MAST4: variants seen among roughly 807,000 people sequenced by gnomAD.
The protein encoded by MAST4 is microtubule-associated serine/threonine-protein kinase 4.
A neutral mutation model predicts 162.7 loss-of-function variants in MAST4; 89 were observed. The ratio of observed to expected loss-of-function variants is 0.55; its 90% CI spans 0.46 to 0.65. The LOEUF is 0.65. Ranked by LOEUF, MAST4 falls within the 30% of genes least tolerant of loss-of-function variation. The pLI is 0.00. For synonymous variants in MAST4, 1,479 were observed against 1,361.1 expected (o/e 1.09, Z -1.91); for missense variants, 3,153 against 3,374.0 (o/e 0.93, Z 1.62).
rs2149600821 is a variant in MAST4 at position 66,754,279 on chromosome 5, C to T, written c.364-5430C>T. ...ACAAATATATATGCTAGCAGGGATA[C>T]AGTTAAAAAGTTCAATGGTTATTTA... is the stretch of plus-strand genomic sequence containing the variant. On this transcript the variant is annotated intron_variant, in intron 1 of 28. Transcript: ENST00000403625. Among the ~76,000 whole-genome samples the T allele has an allele frequency of 2.0e-5, 3 of 152,224 alleles. No homozygotes were observed. The Middle Eastern group carries it at 0.01, about 518-fold the overall frequency.
chr5:66,963,309 G>A (rs1746250977), intron 4 of MAST4, among the ~76,000 whole-genome samples: 1 of 152,304 alleles, frequency 6.6e-6, no homozygotes, highest in South Asian at 2.1e-4. Context: ...GGAAATGTTA[G>A]TTGCTTTGCT....
chr5:66,889,658 C>G (rs1484588245), intron 3 of MAST4, among the ~76,000 whole-genome samples: 1 of 152,164 alleles, frequency 6.6e-6, no homozygotes, highest in East Asian at 1.9e-4. Flanking sequence ...TCGGTGCTGT[C>G]TCTTTACCGT....
chr5:66,850,600 A>G (rs1400489555), intron 3 of MAST4, among the ~76,000 whole-genome samples: 1 of 152,204 alleles, frequency 6.6e-6, no homozygotes, highest in Non-Finnish European at 1.5e-5. Flanking sequence ...GCCTGGTTTC[A>G]TGTACAAAAT....
intron 1 of MAST4, among the ~76,000 whole-genome samples, chr5:66,749,375 G>A (rs899637413): frequency 6.6e-6 from 1 of 152,156 alleles, no homozygotes; most frequent in East Asian, 1.9e-4. Flanking sequence ...GATGCCCGTA[G>A]CATAGGCGAT....
chr5:66,742,234 T>A (rs1031606236), intron 1 of MAST4, among the ~76,000 whole-genome samples: 1 of 152,184 alleles, frequency 6.6e-6, no homozygotes, highest in Non-Finnish European at 1.5e-5. Context: ...TCGCGGTTCA[T>A]CTGCCCGAGT....
intron 1 of MAST4, among the ~76,000 whole-genome samples, chr5:66,733,766 GTT>G (rs11297769): frequency 4.0e-5 from 6 of 151,254 alleles, no homozygotes; most frequent in African/African-American, 9.7e-5. Flanking sequence ...GCCAACTTGT[GTT>G]TTTTTTTTAA....
intron 14 of MAST4, among the ~76,000 whole-genome samples, chr5:67,124,959 A>G (rs1255595589): frequency 6.6e-6 from 1 of 152,150 alleles, no homozygotes. Flanking sequence ...CCTATTCTCA[A>G]ACATATTGCA....
intron 1 of MAST4, among the ~76,000 whole-genome samples, chr5:66,618,572 A>C (rs529400510): frequency 6.6e-6 from 1 of 152,324 alleles, no homozygotes; most frequent in East Asian, 1.9e-4. Context: ...ATGAACATTA[A>C]TGTCTCATTA....
intron 3 of MAST4, among the ~76,000 whole-genome samples, chr5:66,803,445 A>T (rs1756020447): frequency 6.6e-6 from 1 of 152,142 alleles, no homozygotes; most frequent in South Asian, 2.1e-4. Context: ...AATTACATTA[A>T]ATGTGTAGAT....
intron 3 of MAST4, among the ~76,000 whole-genome samples, chr5:66,879,343 T>TAC (rs1166495836): frequency 5.3e-5 from 2 of 37,388 alleles, no homozygotes; most frequent in Non-Finnish European, 1.7e-4. Context: ...GTTTAAAATA[T>TAC]ATACACACAC....
chr5:66,750,519 CAAAG>C (rs1432691699), intron 1 of MAST4, among the ~76,000 whole-genome samples: 1 of 152,194 alleles, frequency 6.6e-6, no homozygotes, highest in Non-Finnish European at 1.5e-5. Context: ...CTTTCTGAGT[CAAAG>C]AAAGGGGTGA....
At chr5:66,707,385 T>A (rs1481990044) in intron 1 of MAST4, among the ~76,000 whole-genome samples, 1 of 152,186 alleles carries the variant, frequency 6.6e-6, no homozygotes, top group Non-Finnish European at 1.5e-5. Context: ...AGAGGTCACT[T>A]GGTGGGTATA....
At position 66,713,674 on chromosome 5, in the gene MAST4, G is replaced by A. The variant is rs141841933; in HGVS notation, c.364-46035G>A. On this transcript the variant is annotated intron_variant, in intron 1 of 28. Coordinates refer to ENST00000403625, the MANE Select transcript of MAST4 (RefSeq NM_001164664.2). ...GTACATTACTTATTGCAAACGTTTC[G>A]TAATATGCCCTCTTGTGGGGTATAT... 1.4e-3 allele frequency among the ~76,000 whole-genome samples: 214 copies of A among 152,072 alleles called. 3 individuals carry two copies. Among genetic ancestry groups the A allele is most frequent in the African/African-American group, 4.4e-3 (184 of 41,456 alleles).
chr5:66,961,998 T>C (rs1015094857), intron 4 of MAST4, among the ~76,000 whole-genome samples: 1 of 152,258 alleles, frequency 6.6e-6, no homozygotes, highest in Non-Finnish European at 1.5e-5. Context: ...ATTTTTTAAT[T>C]AGAGCATTTG....
intron 4 of MAST4, among the ~76,000 whole-genome samples, chr5:66,943,746 G>GA (rs113051258): frequency 1.3e-5 from 2 of 151,810 alleles, no homozygotes; most frequent in African/African-American, 2.4e-5. Context: ...TGTGTTCAGC[G>GA]AAAAAAAGTG....
chr5:66,789,883 A>G, intron 3 of MAST4: 1 of 433,154 alleles, frequency 2.3e-6, no homozygotes, highest in South Asian at 1.7e-5. Context: ...GATTTTTCCA[A>G]CTTCAGCACT....
chr5:67,154,596 T>A (rs1160072379), intron 26 of MAST4, among the ~76,000 whole-genome samples: 1 of 152,214 alleles, frequency 6.6e-6, no homozygotes, highest in Non-Finnish European at 1.5e-5. Context: ...TGTCTTGCCC[T>A]CATCTGGCTA....
In MAST4 at chr5:66,878,131, A is replaced by G. The variant is rs545579251; in HGVS notation, c.643-21820A>G. Among the ~76,000 whole-genome samples, 8 of 152,358 alleles carry G rather than the reference A, an allele frequency of 5.3e-5. No individual in the cohort carries two copies. In the East Asian group the frequency reaches 1.5e-3, roughly 29 times the overall value. ...AAGCATTAGTTAGACATAAATAAAT[A>G]GATAAATACCTATCATGATTGGATC... is the stretch of plus-strand genomic sequence containing the variant. On this transcript the variant is annotated intron_variant, in intron 3 of 28. Transcript: ENST00000403625.
At chr5:66,820,908 C>T (rs1247391167) in intron 3 of MAST4, among the ~76,000 whole-genome samples, 3 of 152,016 alleles carry the variant, frequency 2.0e-5, no homozygotes, top group Non-Finnish European at 4.4e-5. Context: ...ATGATGCAAA[C>T]GTCAAGGCAA....
Sources: gnomAD v4.1 joint callset for allele counts (sites outside exome capture counted in the v4.1 genomes callset) on GRCh38, gnomAD v4.1.1 for gene constraint, MANE v1.5 for transcripts, NCBI Gene and HGNC (gene_info 2026-07-23, HGNC 2026-07-21) for gene names.